Variants in PDE11A observed in about 807,000 individuals in gnomAD.
The protein encoded by PDE11A is dual 3',5'-cyclic-AMP and -GMP phosphodiesterase 11A.
A neutral mutation model predicts 100.5 loss-of-function variants in PDE11A; 100 were observed. The observed-to-expected ratio is 1.00, with a 90% CI of 0.85 to 1.18. The LOEUF is 1.18. Ranked by LOEUF, PDE11A falls within the 50% of genes most tolerant of loss-of-function variation. PDE11A has a pLI of 0.00. For synonymous variants in PDE11A, 381 were observed against 420.8 expected, an observed-to-expected ratio of 0.91 and a Z score of 1.16; for missense variants, 1,141 against 1,152.6, an observed-to-expected ratio of 0.99 and a Z score of 0.15.
intron 9 of PDE11A, among the ~76,000 whole-genome samples, chr2:177,777,946 A>G (rs2082400859): frequency 6.6e-6 from 1 of 152,210 alleles, no homozygotes; most frequent in Admixed American, 6.5e-5. Context: ...TTTGTTGGTG[A>G]GCTCTGACTT....
chr2:177,738,178 A>G (rs1249748159), intron 10 of PDE11A, among the ~76,000 whole-genome samples: 2 of 152,128 alleles, frequency 1.3e-5, no homozygotes, highest in Admixed American at 1.3e-4. Flanking sequence ...AGTAGAAGAC[A>G]CATAGAGGAG....
At chr2:177,824,147 T>C (rs563268260) in intron 6 of PDE11A, among the ~76,000 whole-genome samples, 1 of 152,116 alleles carries the variant, frequency 6.6e-6, no homozygotes, top group East Asian at 1.9e-4. Flanking sequence ...CCCATCCCCA[T>C]GGAGGATAAC....
At chr2:177,837,025 G>C (rs916594180) in intron 6 of PDE11A, among the ~76,000 whole-genome samples, 3 of 152,190 alleles carry the variant, frequency 2.0e-5, no homozygotes, top group Non-Finnish European at 4.4e-5. Flanking sequence ...GATACAAGGG[G>C]AAGGGAATCC....
chr2:178,072,726 C>A lies in PDE11A; in HGVS notation c.-289G>T, dbSNP rs971052974. On this transcript the variant is annotated 5_prime_UTR_variant, in exon 1 of 20. Coordinates refer to ENST00000286063, the MANE Select transcript of PDE11A (RefSeq NM_016953.4). Reference sequence around the variant, plus strand: ...CTCCTGTTCCGGAAACCCGAGCTATCGCTGCTCCTGTTCTGGCTGCCGCCG... The same window carrying A: ...CTCCTGTTCCGGAAACCCGAGCTATAGCTGCTCCTGTTCTGGCTGCCGCCG... 1 of 1,363,130 alleles carries A rather than the reference C, an allele frequency of 7.3e-7. No individual in the cohort carries two copies. Among genetic ancestry groups the A allele is most frequent in the Non-Finnish European group, 9.5e-7 (1 of 1,054,974 alleles). 84.4% of individuals were successfully genotyped at this position (1,363,130 alleles called of 1,614,324 possible). A position where few individuals can be genotyped will look rare whatever the true frequency, so the allele number is the denominator to read the frequency against.
intron 10 of PDE11A, among the ~76,000 whole-genome samples, chr2:177,755,990 G>A (rs943655405): frequency 9.8e-5 from 15 of 152,286 alleles, no homozygotes; most frequent in Admixed American, 9.2e-4. Context: ...GTTTCCTTTT[G>A]GTGTGCACTA....
chr2:177,739,372 T>C (rs2081839916), intron 10 of PDE11A, among the ~76,000 whole-genome samples: 1 of 152,182 alleles, frequency 6.6e-6, no homozygotes, highest in Non-Finnish European at 1.5e-5. Flanking sequence ...GCAAAGCCAC[T>C]GCCAGAAGAG....
intron 19 of PDE11A, among the ~76,000 whole-genome samples, chr2:177,631,322 A>ACC (rs1553528992): frequency 5.9e-5 from 1 of 16,862 alleles, no homozygotes; most frequent in African/African-American, 9.2e-5. Flanking sequence ...AAAAAAAAAA[A>ACC]CAACCTAGGC....
chr2:177,718,414 GT>G (rs1303542214), intron 12 of PDE11A, among the ~76,000 whole-genome samples: 2 of 152,216 alleles, frequency 1.3e-5, no homozygotes, highest in Non-Finnish European at 2.9e-5. Flanking sequence ...TGATGATACA[GT>G]GTTAGATAAT....
intron 5 of PDE11A, among the ~76,000 whole-genome samples, chr2:177,851,468 T>A (rs900228763): frequency 6.6e-6 from 1 of 152,042 alleles, no homozygotes; most frequent in African/African-American, 2.4e-5. Flanking sequence ...CACACCAACA[T>A]GGCACATGTA....
chr2:178,082,166 TGTGA>T (rs1193335616), intron 2 of PDE11A, among the ~76,000 whole-genome samples: 1 of 152,224 alleles, frequency 6.6e-6, no homozygotes, highest in African/African-American at 2.4e-5. Flanking sequence ...TTAATAGAAT[TGTGA>T]GTATTAAATG....
chr2:177,853,255 C>G (rs1265321129), intron 5 of PDE11A, among the ~76,000 whole-genome samples: 6 of 151,958 alleles, frequency 3.9e-5, no homozygotes, highest in Admixed American at 2.6e-4. Flanking sequence ...ATAAAACTCA[C>G]TTTGCAGGGC....
intron 2 of PDE11A, among the ~76,000 whole-genome samples, chr2:177,908,086 C>G (rs1235780694): frequency 6.6e-6 from 1 of 152,142 alleles, no homozygotes; most frequent in Non-Finnish European, 1.5e-5. Flanking sequence ...ATTTAGAATC[C>G]AAGTGGCCTA....
At chr2:177,790,818 A>C (rs2082618975) in intron 9 of PDE11A, among the ~76,000 whole-genome samples, 1 of 152,246 alleles carries the variant, frequency 6.6e-6, no homozygotes, top group Non-Finnish European at 1.5e-5. Context: ...AGAGAAATGC[A>C]AATCAAAACC....
chr2:177,718,267 G>T (rs2081473122), intron 12 of PDE11A, among the ~76,000 whole-genome samples: 1 of 152,174 alleles, frequency 6.6e-6, no homozygotes, highest in South Asian at 2.1e-4. Flanking sequence ...GAGGCACCAG[G>T]TTACAAGACT....
chr2:177,735,370 C>G (rs1477827668), intron 10 of PDE11A, among the ~76,000 whole-genome samples: 1 of 151,538 alleles, frequency 6.6e-6, no homozygotes, highest in Non-Finnish European at 1.5e-5. Flanking sequence ...TCATGGCCTA[C>G]CCAAGAAGAA....
chr2:178,022,692 T>C (rs2086427975), intron 1 of PDE11A, among the ~76,000 whole-genome samples: 1 of 152,110 alleles, frequency 6.6e-6, no homozygotes, highest in Non-Finnish European at 1.5e-5. Context: ...GAAACTTGAA[T>C]AGGAAACTAA....
intron 4 of PDE11A, among the ~76,000 whole-genome samples, chr2:177,884,286 C>T (rs2084391878): frequency 6.6e-6 from 1 of 152,200 alleles, no homozygotes; most frequent in Non-Finnish European, 1.5e-5. Flanking sequence ...TAAGACATTT[C>T]TCCATCCTTC....
At chr2:177,834,211 C>T (rs193302567) in intron 6 of PDE11A, among the ~76,000 whole-genome samples, 1,736 of 152,314 alleles carry the variant, frequency 0.011, 43 homozygotes, top group Non-Finnish European at 0.013. Flanking sequence ...GCAAAAAAAT[C>T]CTGCATCATT....
At chr2:177,677,835 C>A (rs1045004296) in intron 16 of PDE11A, 2 of 152,156 alleles carry the variant, frequency 1.3e-5, no homozygotes. Context: ...CTGTTTTAGA[C>A]TGAGGTCCCT....
Sources: allele counts gnomAD v4.1 joint callset (sites outside exome capture counted in the v4.1 genomes callset), GRCh38; gene constraint gnomAD v4.1.1; transcripts MANE v1.5; gene names NCBI Gene and HGNC (gene_info 2026-07-23, HGNC 2026-07-21).